HIVEP3: variants seen among roughly 807,000 people sequenced by gnomAD.
The protein encoded by HIVEP3 is transcription factor HIVEP3.
A neutral mutation model predicts 152.8 loss-of-function variants in HIVEP3; 49 were observed. That is an observed-to-expected ratio of 0.32 (90% CI 0.26 to 0.41). The LOEUF (loss-of-function observed/expected upper bound fraction) is 0.41. Ranked by LOEUF, HIVEP3 falls within the 10% of genes least tolerant of loss-of-function variation. The pLI is 1.00. For missense variants in HIVEP3, 2,790 were observed against 3,103.3 expected, an observed-to-expected ratio of 0.90 and a Z score of 2.40; for synonymous variants, 1,269 against 1,289.0, an observed-to-expected ratio of 0.98 and a Z score of 0.33.
intron 1 of HIVEP3, among the ~76,000 whole-genome samples, chr1:41,806,139 C>T (rs766949803): frequency 1.3e-5 from 2 of 152,180 alleles, no homozygotes; most frequent in Non-Finnish European, 2.9e-5. Flanking sequence ...CCTGAATGTT[C>T]CAGGGACTCC....
Position 41,961,076 on chromosome 1 carries a change from C to A in HIVEP3, n.120-42552G>T, listed in dbSNP as rs189802705. On this transcript the variant is annotated intron_variant and non_coding_transcript_variant, in intron 1 of 3. Coordinates refer to the HIVEP3 transcript ENST00000489103. The stretch of plus-strand genomic sequence containing the variant: ...AGGCTGGTCATAAAAGACAAGGTAC[C>A]TTCCACTTGGTCCTCTGCAACAATT... Among the ~76,000 whole-genome samples, 5 of 152,290 alleles carry A rather than the reference C, an allele frequency of 3.3e-5. No homozygotes were observed. The East Asian group carries it at 9.6e-4, about 29-fold the overall frequency.
chr1:41,742,428 C>A (rs190656611), intron 1 of HIVEP3, among the ~76,000 whole-genome samples: 58 of 152,336 alleles, frequency 3.8e-4, no homozygotes, highest in Admixed American at 2.5e-3. Context: ...ATTACTTTTC[C>A]ATTGGTCGGA....
At chr1:41,596,296 G>T (rs1465489282) in intron 3 of HIVEP3, among the ~76,000 whole-genome samples, 2 of 152,238 alleles carry the variant, frequency 1.3e-5, no homozygotes, top group Non-Finnish European at 2.9e-5. Context: ...GCTGCTGCTG[G>T]GCTGGGCCAT....
intron 3 of HIVEP3, among the ~76,000 whole-genome samples, chr1:41,621,166 C>T (rs936601401): frequency 6.6e-6 from 1 of 152,252 alleles, no homozygotes; most frequent in Non-Finnish European, 1.5e-5. Context: ...CTGAATAATA[C>T]TTGTGGTGCA....
intron 2 of HIVEP3, among the ~76,000 whole-genome samples, chr1:41,699,573 G>T (rs1201304062): frequency 6.6e-6 from 1 of 152,176 alleles, no homozygotes; most frequent in Non-Finnish European, 1.5e-5. Context: ...TAGGAAAGGA[G>T]GAGAGTGAGT....
intron 2 of HIVEP3, among the ~76,000 whole-genome samples, chr1:41,656,493 A>G (rs1645631278): frequency 6.6e-6 from 1 of 152,168 alleles, no homozygotes; most frequent in Non-Finnish European, 1.5e-5. Context: ...CCTTTCACCA[A>G]GGAACACGTA....
chr1:41,949,168 G>A (rs1305491122), intron 1 of HIVEP3, among the ~76,000 whole-genome samples: 2 of 152,196 alleles, frequency 1.3e-5, no homozygotes, highest in African/African-American at 4.8e-5. Flanking sequence ...CAGAATCTAT[G>A]TGCTTCCTCT....
At chr1:41,788,729 C>T (rs570820604) in intron 1 of HIVEP3, among the ~76,000 whole-genome samples, 3 of 152,352 alleles carry the variant, frequency 2.0e-5, no homozygotes, top group African/African-American at 7.2e-5. Context: ...ATGGTAAATC[C>T]TTCTGCTAGG....
intron 5 of HIVEP3, among the ~76,000 whole-genome samples, chr1:41,544,609 T>A (rs1482871651): frequency 7.9e-6 from 1 of 126,568 alleles, no homozygotes; most frequent in East Asian, 2.4e-4. Flanking sequence ...ACCACCACCA[T>A]CACCGCCACC....
chr1:41,551,453 G>A (rs943774321), intron 5 of HIVEP3, among the ~76,000 whole-genome samples: 28 of 152,134 alleles, frequency 1.8e-4, no homozygotes, highest in African/African-American at 6.5e-4. Flanking sequence ...AGAAGCAGTG[G>A]TTCCAGCTCC....
chr1:41,743,330 G>A (rs1252262833), intron 1 of HIVEP3, among the ~76,000 whole-genome samples: 2 of 152,306 alleles, frequency 1.3e-5, no homozygotes, highest in South Asian at 2.1e-4. Flanking sequence ...TTGCCACCAC[G>A]TAAGCTTTGT....
chr1:41,941,097 G>A (rs1179663883), intron 1 of HIVEP3, among the ~76,000 whole-genome samples: 1 of 152,156 alleles, frequency 6.6e-6, no homozygotes, highest in African/African-American at 2.4e-5. Flanking sequence ...CAGTTTCCAT[G>A]GTGTGGTGAG....
intron 1 of HIVEP3, among the ~76,000 whole-genome samples, chr1:41,794,809 C>A (rs557660442): frequency 6.6e-6 from 1 of 152,158 alleles, no homozygotes; most frequent in Admixed American, 6.5e-5. Context: ...TTTAATTTTG[C>A]AATAATCTTA....
At chr1:41,628,633 G>C (rs573253027) in intron 3 of HIVEP3, 116 bp downstream of exon 3, 1 of 850,898 alleles carries the variant, frequency 1.2e-6, no homozygotes, top group South Asian at 6.2e-5. Context: ...GAAAGGCAAC[G>C]ATAACACTAA....
chr1:41,685,303 C>A (rs78157621), intron 2 of HIVEP3, among the ~76,000 whole-genome samples: 1 of 152,208 alleles, frequency 6.6e-6, no homozygotes, highest in Non-Finnish European at 1.5e-5. Flanking sequence ...GGAGTACCTG[C>A]CTTGGCCACC....
In HIVEP3 at chr1:41,581,347, G is replaced by A. The variant is rs745994825; in HGVS notation, c.3451C>T (p.Leu1151Phe). 2 of 1,613,854 alleles carry A rather than the reference G, an allele frequency of 1.2e-6. No individual in the cohort carries two copies. The highest frequency in any genetic ancestry group is 1.7e-6 in the Non-Finnish European group (2 of 1,179,908). ...GACTGTCCTGGCTCATGCTGCACGA[G>A]ATGCTGGAAGGAGAAAAGGGAGACT... is the stretch of plus-strand genomic sequence containing the variant. ...PPVSLFSFQH[L>F]VQHEPGQSPE... The change falls in exon 4 of 9, where the codon CTC (leucine) becomes TTC (phenylalanine). Residue 1151 changes from leucine (L) to phenylalanine (F), a missense_variant. Transcript: ENST00000372583. The surrounding 1 kb of genome is among the most constrained non-coding windows in gnomAD (Gnocchi z 4.5).
intron 2 of HIVEP3, among the ~76,000 whole-genome samples, chr1:41,672,597 A>T (rs1645894566): frequency 6.6e-6 from 1 of 152,166 alleles, no homozygotes; most frequent in Non-Finnish European, 1.5e-5. Context: ...CCCTTTTTAC[A>T]GGTGAAGAAA....
intron 5 of HIVEP3, among the ~76,000 whole-genome samples, chr1:41,550,938 ATCCC>A (rs1643887499): frequency 6.6e-6 from 1 of 152,198 alleles, no homozygotes; most frequent in African/African-American, 2.4e-5. Flanking sequence ...GAGAGAGGGC[ATCCC>A]TGTCTTGTGC....
intron 1 of HIVEP3, among the ~76,000 whole-genome samples, chr1:41,781,260 A>G (rs1252177849): frequency 6.6e-6 from 1 of 152,216 alleles, no homozygotes; most frequent in East Asian, 1.9e-4. Flanking sequence ...AGGTGGGGAA[A>G]GTTATCATTG....
Sources: gnomAD v4.1 joint callset for allele counts (sites outside exome capture counted in the v4.1 genomes callset) on GRCh38, gnomAD v4.1.1 for gene constraint, Gnocchi (gnomAD v3.1) non-coding constraint, MANE v1.5 for transcripts, NCBI Gene and HGNC (gene_info 2026-07-23, HGNC 2026-07-21) for gene names.